The following RANBP2 variants were observed in gnomAD, a reference collection of about 807,000 sequenced individuals.
RANBP2 encodes the protein E3 SUMO-protein ligase RanBP2.
A neutral mutation model predicts 303.6 loss-of-function variants in RANBP2; 57 were observed. The observed-to-expected ratio is 0.19, with a 90% CI of 0.15 to 0.23. The LOEUF (loss-of-function observed/expected upper bound fraction) is 0.23. Ranked by LOEUF, RANBP2 falls within the 10% of genes least tolerant of loss-of-function variation. The probability of loss-of-function intolerance (pLI) is 1.00; values close to 1 mark genes in which losing one functional copy is unlikely to be tolerated. For synonymous variants in RANBP2, 1,167 were observed against 1,301.5 expected (o/e 0.90, Z 2.23); for missense variants, 3,138 against 3,780.8 (o/e 0.83, Z 4.46).
chr2:109,069,615 G>A, the RANBP2 span, among the ~76,000 whole-genome samples: 10 of 152,226 alleles, frequency 6.6e-5, no homozygotes, highest in African/African-American at 1.7e-4. Context: ...GTTCCAGAAC[G>A]TGGTTCAGAG....
At chr2:108,803,521 A>G in the RANBP2 span, among the ~76,000 whole-genome samples, 1 of 152,204 alleles carries the variant, frequency 6.6e-6, no homozygotes, top group Non-Finnish European at 1.5e-5. Flanking sequence ...AGACGTCATC[A>G]TAGCTCACTG....
At chr2:109,690,693 G>A in the RANBP2 span, among the ~76,000 whole-genome samples, 3 of 152,144 alleles carry the variant, frequency 2.0e-5, no homozygotes, top group African/African-American at 4.8e-5. Flanking sequence ...GAGCCAGGCC[G>A]GCCTTCCAGA....
At chr2:109,226,800 TAAG>T in the RANBP2 span, among the ~76,000 whole-genome samples, 1 of 152,186 alleles carries the variant, frequency 6.6e-6, no homozygotes, top group Admixed American at 6.5e-5. Context: ...TGTGGCTTAG[TAAG>T]AAGAACAGCT....
At chr2:108,790,590 T>C (rs987717917), downstream of RANBP2, among the ~76,000 whole-genome samples, 14 of 152,288 alleles carry the variant, frequency 9.2e-5, no homozygotes, top group African/African-American at 3.4e-4. Flanking sequence ...TAGTCCCAGC[T>C]ACTCGGGAGG....
the RANBP2 span, among the ~76,000 whole-genome samples, chr2:109,469,139 C>T: frequency 6.6e-6 from 1 of 152,176 alleles, no homozygotes; most frequent in Non-Finnish European, 1.5e-5. Flanking sequence ...TTCTTCTCCA[C>T]CCCAAGAATG....
chr2:109,324,337 A>G, the RANBP2 span, among the ~76,000 whole-genome samples: 1 of 152,112 alleles, frequency 6.6e-6, no homozygotes, highest in South Asian at 2.1e-4. Context: ...GTCGCATGGT[A>G]ACTCTCTTTA....
At chr2:109,571,121 T>C in the RANBP2 span, among the ~76,000 whole-genome samples, 1 of 152,170 alleles carries the variant, frequency 6.6e-6, no homozygotes, top group Non-Finnish European at 1.5e-5. Context: ...TCAGGTCATA[T>C]AAGACATGCC....
chr2:109,122,665 T>C, the RANBP2 span, among the ~76,000 whole-genome samples: 2 of 151,826 alleles, frequency 1.3e-5, no homozygotes, highest in South Asian at 4.2e-4. Flanking sequence ...AACCCAGGAG[T>C]TTGAAACCAG....
chr2:109,607,639 T>C, the RANBP2 span, among the ~76,000 whole-genome samples: 3 of 152,192 alleles, frequency 2.0e-5, no homozygotes, highest in Non-Finnish European at 4.4e-5. Context: ...AATTACATTT[T>C]ATTTAAATGT....
At chr2:109,097,234 G>A in the RANBP2 span, among the ~76,000 whole-genome samples, 1 of 152,134 alleles carries the variant, frequency 6.6e-6, no homozygotes, top group Admixed American at 6.5e-5. Flanking sequence ...AACCCGGGAG[G>A]TGGAGGTTGC....
the RANBP2 span, among the ~76,000 whole-genome samples, chr2:109,136,786 G>C: frequency 6.6e-6 from 1 of 152,206 alleles, no homozygotes; most frequent in Admixed American, 6.5e-5. Context: ...AATTAGGATT[G>C]ACCACAGGAA....
chr2:109,254,627 A>G, the RANBP2 span, among the ~76,000 whole-genome samples: 8 of 152,170 alleles, frequency 5.3e-5, no homozygotes, highest in African/African-American at 1.4e-4. Flanking sequence ...AGGTTGGTCA[A>G]ATAGTTTCTT....
At chr2:108,752,516 T>C (rs1267947186) in intron 12 of RANBP2, among the ~76,000 whole-genome samples, 1 of 149,146 alleles carries the variant, frequency 6.7e-6, no homozygotes, top group Non-Finnish European at 1.5e-5. Flanking sequence ...CTCACACCTG[T>C]AATCCCAGCA....
At chr2:109,273,443 C>T in the RANBP2 span, among the ~76,000 whole-genome samples, 3 of 152,230 alleles carry the variant, frequency 2.0e-5, no homozygotes, top group Admixed American at 6.5e-5. Flanking sequence ...AGGAGGTGTG[C>T]GGGGCTGGGC....
At chr2:109,486,730 G>A in the RANBP2 span, among the ~76,000 whole-genome samples, 2 of 151,780 alleles carry the variant, frequency 1.3e-5, no homozygotes, top group Admixed American at 1.3e-4. Context: ...GTTAGAGGAA[G>A]GGGAGGGGGA....
At chr2:109,020,838 A>G in the RANBP2 span, among the ~76,000 whole-genome samples, 1 of 152,256 alleles carries the variant, frequency 6.6e-6, no homozygotes, top group African/African-American at 2.4e-5. Flanking sequence ...GCAAAGGGGT[A>G]GCTTGGACAT....
the RANBP2 span, among the ~76,000 whole-genome samples, chr2:109,482,021 C>T: frequency 6.6e-6 from 1 of 152,196 alleles, no homozygotes. Flanking sequence ...TACTGAATGG[C>T]GTACTGGGGT....
chr2:109,160,198 A>G, the RANBP2 span, among the ~76,000 whole-genome samples: 1 of 152,242 alleles, frequency 6.6e-6, no homozygotes, highest in East Asian at 1.9e-4. Context: ...CAGGAAGCTG[A>G]GGGTCTTGTG....
At chr2:109,432,369 A>G in the RANBP2 span, 19 of 1,158,100 alleles carry the variant, frequency 1.6e-5, no homozygotes, top group Non-Finnish European at 1.2e-6. Context: ...TGTAAACTGC[A>G]GAGCCCCCAT....
Sources: gnomAD v4.1 joint callset for allele counts (sites outside exome capture counted in the v4.1 genomes callset) on GRCh38, gnomAD v4.1.1 for gene constraint, MANE v1.5 for transcripts, NCBI Gene and HGNC (gene_info 2026-07-23, HGNC 2026-07-21) for gene names.